Variants in ASCC3 observed in about 807,000 individuals in gnomAD.
ASCC3 encodes ASC-1 complex subunit P200.
A neutral mutation model predicts 256.3 loss-of-function variants in ASCC3; 158 were observed. That is an observed-to-expected ratio of 0.62 (90% CI 0.54 to 0.70). The LOEUF is 0.70. Among genes scored for constraint, ASCC3 ranks in the 30% least tolerant of loss-of-function variants. ASCC3 has a pLI of 0.00. For missense variants in ASCC3, 2,259 were observed against 2,626.0 expected (o/e 0.86, Z 3.05); for synonymous variants, 948 against 883.4 (o/e 1.07, Z -1.30).
At chr6:100,874,479 A>AAC (rs1421712071) in intron 1 of ASCC3, among the ~76,000 whole-genome samples, 5 of 150,820 alleles carry the variant, frequency 3.3e-5, no homozygotes, top group Non-Finnish European at 7.4e-5. Context: ...AAAAAAAAAA[A>AAC]AAAAAAACAA....
At chr6:100,650,980 A>G (rs1775640877) in intron 19 of ASCC3, among the ~76,000 whole-genome samples, 1 of 151,850 alleles carries the variant, frequency 6.6e-6, no homozygotes, top group Admixed American at 6.6e-5. Flanking sequence ...GATATGCCAA[A>G]AAATTAAATC....
chr6:100,841,634 G>A (rs1279036264), intron 4 of ASCC3, among the ~76,000 whole-genome samples: 1 of 151,798 alleles, frequency 6.6e-6, no homozygotes, highest in Admixed American at 6.6e-5. Context: ...TATCCAAATT[G>A]TGTTGATAAT....
intron 8 of ASCC3, among the ~76,000 whole-genome samples, chr6:100,779,883 A>G (rs893224373): frequency 1.3e-5 from 2 of 152,186 alleles, no homozygotes; most frequent in Non-Finnish European, 2.9e-5. Context: ...ACAATAGAAG[A>G]CAAAATATCA....
At chr6:100,853,201 A>G (rs1266944644) in intron 3 of ASCC3, among the ~76,000 whole-genome samples, 1 of 152,148 alleles carries the variant, frequency 6.6e-6, no homozygotes, top group African/African-American at 2.4e-5. Flanking sequence ...TTTAAAATCA[A>G]AGAGTTAAAT....
At chr6:100,847,908 A>G in intron 4 of ASCC3, 2 of 367,922 alleles carry the variant, frequency 5.4e-6, no homozygotes, top group East Asian at 8.4e-5. Flanking sequence ...TAACCAGAGC[A>G]TGTGGACACC....
intron 19 of ASCC3, among the ~76,000 whole-genome samples, 159 bp downstream of exon 19, chr6:100,651,401 A>G (rs1775662293): frequency 6.6e-6 from 1 of 151,976 alleles, no homozygotes; most frequent in African/African-American, 2.4e-5. Flanking sequence ...ATGTAATATT[A>G]TAATCTAGGA....
chr6:100,748,166 T>C (rs1780773159), intron 10 of ASCC3, among the ~76,000 whole-genome samples: 1 of 152,070 alleles, frequency 6.6e-6, no homozygotes, highest in Non-Finnish European at 1.5e-5. Context: ...TCATGTTTAC[T>C]GTATTGCCAT....
chr6:100,637,408 C>A (rs2114880637), intron 25 of ASCC3, among the ~76,000 whole-genome samples: 1 of 152,286 alleles, frequency 6.6e-6, no homozygotes, highest in South Asian at 2.1e-4. Context: ...TACATCTAAT[C>A]ACACTCCAAA....
At chr6:100,879,605 ATCAG>A (rs1769184918) in intron 1 of ASCC3, among the ~76,000 whole-genome samples, 1 of 152,218 alleles carries the variant, frequency 6.6e-6, no homozygotes, top group Non-Finnish European at 1.5e-5. Flanking sequence ...CAGGAGATCA[ATCAG>A]ACCAAAGTGA....
At chr6:100,605,785 C>A in intron 32 of ASCC3, 85 bp from the exon 33 acceptor site, 1 of 1,430,142 alleles carries the variant, frequency 7.0e-7, no homozygotes, top group South Asian at 1.2e-5. Flanking sequence ...CTTCTATAAT[C>A]AACCAAATAA....
At chr6:100,638,928 G>T in intron 24 of ASCC3, 107 bp from the exon 25 acceptor site, 2 of 1,002,150 alleles carry the variant, frequency 2.0e-6, no homozygotes, top group Non-Finnish European at 3.1e-6. Flanking sequence ...CCTTAGACAA[G>T]GAGAAAAAAC....
chr6:100,761,821 G>A (rs1395647789), intron 10 of ASCC3, among the ~76,000 whole-genome samples: 1 of 152,146 alleles, frequency 6.6e-6, no homozygotes, highest in Non-Finnish European at 1.5e-5. Flanking sequence ...GAACTAAACA[G>A]TACATTTATG....
chr6:100,566,763 C>T (rs1260480838), intron 36 of ASCC3, among the ~76,000 whole-genome samples: 1 of 152,116 alleles, frequency 6.6e-6, no homozygotes, highest in Non-Finnish European at 1.5e-5. Context: ...CATGCTGCAA[C>T]AGCTTTAGAA....
At chr6:100,608,199 T>TTATATACATATTTATATATGTGTGTG (rs1773082243) in intron 30 of ASCC3, among the ~76,000 whole-genome samples, 7 of 91,636 alleles carry the variant, frequency 7.6e-5, no homozygotes, top group Admixed American at 1.6e-4. Context: ...TATATATACT[T>TTATATACATATTTATATATGTGTGTG]TATATATATA....
At chr6:100,510,570 C>T (rs977159845) in intron 40 of ASCC3, among the ~76,000 whole-genome samples, 2 of 152,004 alleles carry the variant, frequency 1.3e-5, no homozygotes, top group Non-Finnish European at 2.9e-5. Flanking sequence ...GACTCTGGAC[C>T]CCAAGATGAT....
chr6:100,831,413 A>G (rs950527922), intron 4 of ASCC3, among the ~76,000 whole-genome samples: 17 of 152,200 alleles, frequency 1.1e-4, no homozygotes, highest in African/African-American at 4.1e-4. Context: ...ATTCAACAAA[A>G]TAGGCAAAGC....
At chr6:100,774,296 G>A (rs531478371) in intron 8 of ASCC3, among the ~76,000 whole-genome samples, 5 of 151,966 alleles carry the variant, frequency 3.3e-5, no homozygotes, top group East Asian at 3.9e-4. Context: ...TACATGTCAC[G>A]TGCATGTACT....
At chr6:100,812,619 A>G (rs1770529028) in intron 4 of ASCC3, among the ~76,000 whole-genome samples, 1 of 152,224 alleles carries the variant, frequency 6.6e-6, no homozygotes. Flanking sequence ...AGACAGATGG[A>G]TATTATGACA....
chr6:100,650,465 C>T (rs1035434591), intron 20 of ASCC3, 73 bp downstream of exon 20: 2 of 1,442,264 alleles, frequency 1.4e-6, no homozygotes, highest in Non-Finnish European at 1.9e-6. Flanking sequence ...ATTCATAGCA[C>T]AGCATGAATT....
Sources: allele counts gnomAD v4.1 joint callset (sites outside exome capture counted in the v4.1 genomes callset), GRCh38; gene constraint gnomAD v4.1.1; transcripts MANE v1.5; gene names NCBI Gene and HGNC (gene_info 2026-07-23, HGNC 2026-07-21).